ALPK1: variants seen among roughly 807,000 people sequenced by gnomAD.
ALPK1 encodes the protein alpha-protein kinase 1.
Under a neutral mutation model 120.6 loss-of-function variants are expected in ALPK1, and 110 were observed. The observed-to-expected ratio is 0.91, with a 90% CI of 0.78 to 1.07. The LOEUF (loss-of-function observed/expected upper bound fraction) is 1.07, where lower values mean the gene tolerates loss of function less well. ALPK1 is among the 50% of genes least tolerant of loss of function. ALPK1 has a pLI of 0.00. For synonymous variants in ALPK1, 582 were observed against 560.3 expected, an observed-to-expected ratio of 1.04 and a Z score of -0.55; for missense variants, 1,498 against 1,483.9, an observed-to-expected ratio of 1.01 and a Z score of -0.16.
intron 2 of ALPK1, among the ~76,000 whole-genome samples, chr4:112,372,805 C>A (rs1197546210): frequency 2.0e-5 from 3 of 152,118 alleles, no homozygotes; most frequent in Non-Finnish European, 4.4e-5. Flanking sequence ...CTCTGGTAAC[C>A]ACAACCCTAC....
chr4:112,410,778 C>T (rs1733418340), intron 4 of ALPK1: 1 of 152,226 alleles, frequency 6.6e-6, no homozygotes, highest in Admixed American at 6.5e-5. Context: ...TTCTACTTCT[C>T]GCTCTTTATG....
intron 2 of ALPK1, among the ~76,000 whole-genome samples, chr4:112,348,764 A>T (rs1730202566): frequency 6.6e-6 from 1 of 152,222 alleles, no homozygotes. Context: ...CACATGGTGG[A>T]CTTTCATTAT....
At chr4:112,426,932 A>G (rs9997719) in intron 8 of ALPK1, among the ~76,000 whole-genome samples, 31,712 of 152,170 alleles carry the variant, frequency 0.21, 3,529 homozygotes, top group Non-Finnish European at 0.25. Flanking sequence ...AACTGTTTAT[A>G]TAGCACCTTT....
chr4:112,412,113 C>T, intron 5 of ALPK1, 88 bp downstream of exon 5: 3 of 1,510,516 alleles, frequency 2.0e-6, no homozygotes, highest in Middle Eastern at 4.2e-4. Context: ...GTGGGACACC[C>T]GGAGCACCCG....
At chr4:112,380,292 C>G (rs1731842439) in intron 3 of ALPK1, among the ~76,000 whole-genome samples, 1 of 152,198 alleles carries the variant, frequency 6.6e-6, no homozygotes, top group Non-Finnish European at 1.5e-5. Context: ...GTAAGAGGGT[C>G]AGGTTTTCCA....
chr4:112,367,651 T>C (rs1227373466), intron 2 of ALPK1, among the ~76,000 whole-genome samples: 1 of 152,108 alleles, frequency 6.6e-6, no homozygotes, highest in African/African-American at 2.4e-5. Flanking sequence ...ATACAGAAAA[T>C]GACTATATTT....
chr4:112,334,408 G>C lies in ALPK1; in HGVS notation c.-101+18556G>C, dbSNP rs1185257362. On this transcript the variant is annotated intron_variant, in intron 2 of 15. Transcript: ENST00000650871. ...AGATTTCACCACTGCACTCCAGCCT[G>C]GGTGACAGAGGAAGACTCTGCCTCA... 2.7e-5 allele frequency among the ~76,000 whole-genome samples: 4 copies of C among 150,468 alleles called. No individual in the cohort carries two copies. The Admixed American group carries it at 2.7e-4, about 10-fold the overall frequency.
At chr4:112,312,561 C>T (rs147663405) in intron 1 of ALPK1, among the ~76,000 whole-genome samples, 6 of 152,328 alleles carry the variant, frequency 3.9e-5, no homozygotes, top group East Asian at 3.9e-4. Context: ...CGTGAGCCTC[C>T]GCACCTGGCC....
At chr4:112,349,779 C>T (rs894047573) in intron 2 of ALPK1, among the ~76,000 whole-genome samples, 1 of 152,104 alleles carries the variant, frequency 6.6e-6, no homozygotes, top group Non-Finnish European at 1.5e-5. Context: ...GTCTTGATTT[C>T]CTGACCTTGT....
At chr4:112,389,814 G>A (rs1312976274) in intron 4 of ALPK1, among the ~76,000 whole-genome samples, 5 of 152,170 alleles carry the variant, frequency 3.3e-5, no homozygotes, top group Non-Finnish European at 7.3e-5. Flanking sequence ...TCCCCTTTCA[G>A]GGTCCAGTAG....
chr4:112,322,514 T>A (rs748217206), intron 2 of ALPK1, among the ~76,000 whole-genome samples: 1 of 152,196 alleles, frequency 6.6e-6, no homozygotes, highest in Non-Finnish European at 1.5e-5. Flanking sequence ...ACAACAAATA[T>A]TTTTTGAGCA....
At chr4:112,334,447 A>AT in intron 2 of ALPK1, among the ~76,000 whole-genome samples, 1 of 150,092 alleles carries the variant, frequency 6.7e-6, no homozygotes, top group East Asian at 1.9e-4. Context: ...AAAAAAAAAA[A>AT]GAAAAGAAAA....
At chr4:112,420,836 A>C (rs1342953437) in intron 5 of ALPK1, among the ~76,000 whole-genome samples, 1 of 141,792 alleles carries the variant, frequency 7.1e-6, no homozygotes, top group Non-Finnish European at 1.6e-5. Context: ...ACATACATAG[A>C]GAGAAAGAGA....
chr4:112,432,682 T>C (rs1734626597), intron 11 of ALPK1, 101 bp downstream of exon 11: 1 of 1,164,894 alleles, frequency 8.6e-7, no homozygotes, highest in Non-Finnish European at 1.2e-6. Context: ...ATGAAAGGTA[T>C]AGAACCCTGG....
chr4:112,325,493 G>A (rs764943854), intron 2 of ALPK1, among the ~76,000 whole-genome samples: 1 of 152,186 alleles, frequency 6.6e-6, no homozygotes, highest in Non-Finnish European at 1.5e-5. Flanking sequence ...AGGGACTTGA[G>A]GTATATTTAG....
intron 13 of ALPK1, among the ~76,000 whole-genome samples, chr4:112,439,404 G>A (rs747153716): frequency 3.3e-5 from 5 of 152,118 alleles, no homozygotes; most frequent in East Asian, 1.9e-4. Context: ...GACAGGTCAC[G>A]TCATGGCCTA....
rs1021589882 is a variant in ALPK1 at position 112,367,431 on chromosome 4, T to A, written c.-100-10247T>A. On this transcript the variant is annotated intron_variant, in intron 2 of 15. Transcript: ENST00000650871. ...CTTAATTATGATAAAAGATTTTTTT[T>A]ATGTAAAAAATGAAAATACAAAAAA... is the stretch of plus-strand genomic sequence containing the variant. 8.5e-5 allele frequency among the ~76,000 whole-genome samples: 13 copies of A among 152,240 alleles called. No homozygotes were observed. In the East Asian group the frequency reaches 2.1e-3, roughly 25 times the overall value.
chr4:112,417,180 C>T (rs1165811382), intron 5 of ALPK1, among the ~76,000 whole-genome samples: 2 of 152,086 alleles, frequency 1.3e-5, no homozygotes, highest in African/African-American at 4.8e-5. Flanking sequence ...AAATTATTCT[C>T]AAGACAGCTC....
intron 5 of ALPK1, among the ~76,000 whole-genome samples, chr4:112,415,518 T>A (rs1578553446): frequency 6.6e-6 from 1 of 151,760 alleles, no homozygotes; most frequent in Non-Finnish European, 1.5e-5. Flanking sequence ...GCGCACGAAA[T>A]CCCAGCTACT....
Sources: gnomAD v4.1 joint callset for allele counts (sites outside exome capture counted in the v4.1 genomes callset) on GRCh38, gnomAD v4.1.1 for gene constraint, MANE v1.5 for transcripts, NCBI Gene and HGNC (gene_info 2026-07-23, HGNC 2026-07-21) for gene names.